SEPTIN9: variants seen among roughly 807,000 people sequenced by gnomAD.
The protein encoded by SEPTIN9 is septin-9.
In SEPTIN9, 13 loss-of-function variants were observed where a neutral mutation model predicts 56.6. That is an observed-to-expected ratio of 0.23 (90% CI 0.15 to 0.37). The LOEUF is 0.37. Among genes scored for constraint, SEPTIN9 ranks in the 10% least tolerant of loss-of-function variants. The pLI is 1.00. For synonymous variants in SEPTIN9, 332 were observed against 334.1 expected (o/e 0.99, Z 0.07); for missense variants, 650 against 823.1 (o/e 0.79, Z 2.57).
chr17:77,464,842 C>G (rs1283056474), intron 3 of SEPTIN9, among the ~76,000 whole-genome samples: 1 of 151,948 alleles, frequency 6.6e-6, no homozygotes, highest in African/African-American at 2.4e-5. Flanking sequence ...ATCCACCCGC[C>G]TCAGCCTCCC....
intron 3 of SEPTIN9, among the ~76,000 whole-genome samples, chr17:77,419,625 C>T (rs556561887): frequency 6.6e-6 from 1 of 152,294 alleles, no homozygotes; most frequent in Admixed American, 6.5e-5. Context: ...GGTCTCTCTC[C>T]CGGTCCCTCC....
chr17:77,336,951 T>C (rs184590557), intron 2 of SEPTIN9, among the ~76,000 whole-genome samples: 1 of 152,278 alleles, frequency 6.6e-6, no homozygotes, highest in Non-Finnish European at 1.5e-5. Flanking sequence ...TGTTTTGTCT[T>C]TTATTCGTTT....
At chr17:77,397,659 CT>C (rs945713750) in intron 2 of SEPTIN9, among the ~76,000 whole-genome samples, 1 of 151,778 alleles carries the variant, frequency 6.6e-6, no homozygotes, top group East Asian at 1.9e-4. Flanking sequence ...GTGATCCAGC[CT>C]TTTTTTTGAG....
intron 2 of SEPTIN9, among the ~76,000 whole-genome samples, chr17:77,347,810 T>C (rs1284523343): frequency 6.6e-6 from 1 of 152,176 alleles, no homozygotes; most frequent in Non-Finnish European, 1.5e-5. Context: ...TTACATGAGA[T>C]AGTCAACACT....
At chr17:77,311,503 G>A (rs980905137) in intron 2 of SEPTIN9, among the ~76,000 whole-genome samples, 1 of 152,146 alleles carries the variant, frequency 6.6e-6, no homozygotes, top group Non-Finnish European at 1.5e-5. Context: ...CCCTGTGGGG[G>A]CAAGGCCTGG....
At chr17:77,442,642 G>A (rs1386643123) in intron 3 of SEPTIN9, among the ~76,000 whole-genome samples, 1 of 151,860 alleles carries the variant, frequency 6.6e-6, no homozygotes, top group African/African-American at 2.4e-5. Context: ...GGAGGCCGAG[G>A]CAGGTGGATC....
intron 2 of SEPTIN9, among the ~76,000 whole-genome samples, chr17:77,396,342 C>T (rs1385465765): frequency 2.0e-5 from 3 of 152,216 alleles, no homozygotes; most frequent in Non-Finnish European, 2.9e-5. Context: ...TGCGTGGGTC[C>T]TTTGAATCTG....
intron 2 of SEPTIN9, among the ~76,000 whole-genome samples, chr17:77,352,954 C>G (rs1420943340): frequency 6.6e-6 from 1 of 152,236 alleles, no homozygotes; most frequent in Non-Finnish European, 1.5e-5. Flanking sequence ...CAGCCTACCT[C>G]TGTCTTATAA....
intron 3 of SEPTIN9, among the ~76,000 whole-genome samples, chr17:77,427,833 C>G (rs2036970892): frequency 1.3e-5 from 2 of 152,198 alleles, no homozygotes; most frequent in African/African-American, 4.8e-5. Context: ...GGGCCCTGGA[C>G]AGCACCCAGG....
At chr17:77,472,536 CAAG>C (rs2039045643) in intron 3 of SEPTIN9, 1 of 152,228 alleles carries the variant, frequency 6.6e-6, no homozygotes, top group Non-Finnish European at 1.5e-5. Flanking sequence ...TGTTAGTCAC[CAAG>C]AAGGAGAAAA....
intron 3 of SEPTIN9, among the ~76,000 whole-genome samples, chr17:77,478,077 A>G (rs2039299525): frequency 6.6e-6 from 1 of 151,984 alleles, no homozygotes; most frequent in Non-Finnish European, 1.5e-5. Context: ...AGGGTTGCCA[A>G]ATTCAGTGAG....
intron 2 of SEPTIN9, among the ~76,000 whole-genome samples, chr17:77,307,736 G>C (rs1598497048): frequency 6.6e-6 from 1 of 152,216 alleles, no homozygotes; most frequent in Non-Finnish European, 1.5e-5. Context: ...ACACTAACCA[G>C]TAGGGAAGGG....
chr17:77,497,218 C>T (rs375214079), intron 10 of SEPTIN9, 97 bp from the exon 11 acceptor site: 2 of 1,300,344 alleles, frequency 1.5e-6, no homozygotes, highest in Admixed American at 1.9e-5. Context: ...TCAGACTCTG[C>T]TTTTGGCACC....
In SEPTIN9 at chr17:77,492,902, G is replaced by T; in HGVS notation, c.1477-78G>T. The stretch of plus-strand genomic sequence containing the variant: ...GTTTTTGGGGGACCCCAGGCTCAGG[G>T]CAGCTCCTCCCGGGGGCCCAGGGGA... On this transcript the variant is annotated intron_variant, in intron 9 of 11. Coordinates refer to ENST00000427177, the MANE Select transcript of SEPTIN9 (RefSeq NM_001113491.2). This position sits in a 1 kb window ranked among gnomAD's most constrained non-coding sequence, Gnocchi z 5.4. 3.6e-6 allele frequency: 5 copies of T among 1,394,672 alleles called. No homozygotes were observed. The highest frequency in any genetic ancestry group is 5.0e-6 in the Non-Finnish European group (5 of 1,001,326). 86.4% of individuals were successfully genotyped at this position (1,394,672 alleles called of 1,614,324 possible). A position where few individuals can be genotyped will look rare whatever the true frequency, so the allele number is the denominator to read the frequency against.
chr17:77,492,891 C>T lies in SEPTIN9; in HGVS notation c.1477-89C>T, dbSNP rs2627198. ...CTGAGGCTCTCGTTTTTGGGGGACC[C>T]CAGGCTCAGGGCAGCTCCTCCCGGG... On this transcript the variant is annotated intron_variant, in intron 9 of 11. Coordinates refer to ENST00000427177, the MANE Select transcript of SEPTIN9 (RefSeq NM_001113491.2). This position sits in a 1 kb window ranked among gnomAD's most constrained non-coding sequence, Gnocchi z 5.4. 0.46 allele frequency: 620,473 copies of T among 1,343,370 alleles called. 147,219 individuals carry two copies. The highest frequency in any genetic ancestry group is 0.64 in the Middle Eastern group (3,545 of 5,524). The allele number at this position is 1,343,370 out of a possible 1,614,324, so 83.2% of individuals were successfully genotyped here.
chr17:77,344,969 C>CAAA (rs35165946), intron 2 of SEPTIN9, among the ~76,000 whole-genome samples: 5 of 67,954 alleles, frequency 7.4e-5, no homozygotes, highest in Admixed American at 1.9e-4. Flanking sequence ...AAGACTGCCT[C>CAAA]AAAAAAAAAA....
intron 1 of SEPTIN9, among the ~76,000 whole-genome samples, chr17:77,305,572 T>G (rs1567983910): frequency 6.6e-6 from 1 of 152,062 alleles, no homozygotes; most frequent in Non-Finnish European, 1.5e-5. Context: ...CGGTGTTGCT[T>G]TCCCTGGAGG....
intron 2 of SEPTIN9, among the ~76,000 whole-genome samples, chr17:77,368,005 T>C (rs1401204214): frequency 6.6e-6 from 1 of 152,254 alleles, no homozygotes; most frequent in Non-Finnish European, 1.5e-5. Flanking sequence ...AACGGAATTC[T>C]GTCACTACAT....
At chr17:77,440,592 C>T (rs564735431) in intron 3 of SEPTIN9, among the ~76,000 whole-genome samples, 4 of 152,364 alleles carry the variant, frequency 2.6e-5, no homozygotes, top group African/African-American at 4.8e-5. Context: ...GAGCGGCCTG[C>T]GTCCCAAGCG....
Sources: gnomAD v4.1 joint callset for allele counts (sites outside exome capture counted in the v4.1 genomes callset) on GRCh38, gnomAD v4.1.1 for gene constraint, Gnocchi (gnomAD v3.1) non-coding constraint, MANE v1.5 for transcripts, NCBI Gene and HGNC (gene_info 2026-07-23, HGNC 2026-07-21) for gene names.